The following LSM14B variants were observed in gnomAD, a reference collection of about 807,000 sequenced individuals.
The protein encoded by LSM14B is LSM family member 14B, also known as protein LSM14 homolog B.
In LSM14B, 8 loss-of-function variants were observed where a neutral mutation model predicts 42.1. That is an observed-to-expected ratio of 0.19 (90% CI 0.11 to 0.34). The LOEUF is 0.34. Among genes scored for constraint, LSM14B ranks in the 10% least tolerant of loss-of-function variants. The probability of loss-of-function intolerance (pLI) is 1.00; values close to 1 mark genes in which losing one functional copy is unlikely to be tolerated. For missense variants in LSM14B, 396 were observed against 513.1 expected (o/e 0.77, Z 2.21); for synonymous variants, 219 against 209.7 (o/e 1.04, Z -0.38).
chr20:62,125,069 C>T (rs1333651458), intron 2 of LSM14B, among the ~76,000 whole-genome samples: 4 of 152,140 alleles, frequency 2.6e-5, no homozygotes, highest in African/African-American at 4.8e-5. Flanking sequence ...TTAGTAGAGA[C>T]GGGGTTTCAC....
chr20:62,129,109 G>A (rs907842757), intron 3 of LSM14B: 24 of 849,030 alleles, frequency 2.8e-5, no homozygotes, highest in African/African-American at 7.1e-5. Context: ...CGTGGGCCTC[G>A]GACTGCAGTT....
At chr20:62,125,560 T>A (rs1263929660) in intron 2 of LSM14B, among the ~76,000 whole-genome samples, 3 of 152,270 alleles carry the variant, frequency 2.0e-5, no homozygotes, top group African/African-American at 4.8e-5. Flanking sequence ...GCCATGTGCC[T>A]GCTTATTGGG....
chr20:62,130,321 C>G lies in LSM14B; in HGVS notation c.673+25C>G, dbSNP rs770200604. On this transcript the variant is annotated intron_variant, in intron 5 of 8. Transcript: ENST00000279068. This position sits in a 1 kb window ranked among gnomAD's most constrained non-coding sequence, Gnocchi z 4.1. ...GGTAACACCTGTTGCCACTTGATTT[C>G]TGGGGACCACGAGTGATCAGGCTGA... The G allele has an allele frequency of 6.4e-7, 1 of 1,571,256 alleles. No individual in the cohort carries two copies. The highest frequency in any genetic ancestry group is 8.6e-7 in the Non-Finnish European group (1 of 1,158,106).
intron 3 of LSM14B, among the ~76,000 whole-genome samples, chr20:62,128,593 G>A (rs1220681985): frequency 6.6e-6 from 1 of 152,216 alleles, no homozygotes; most frequent in Non-Finnish European, 1.5e-5. Context: ...GAACTAGTTG[G>A]TTGTGTAAAA....
chr20:62,134,961 ACT>A lies in LSM14B; in HGVS notation c.*816_*817del, dbSNP rs2056865224. On this transcript the variant is annotated 3_prime_UTR_variant, in exon 9 of 9. Transcript: ENST00000279068. Reference sequence around the variant, plus strand: ...ACCTGGGCCGGTCAGTCATTGCTGGACTCTGGCCACACACTGGCGTTCTCATC... The same window carrying A: ...ACCTGGGCCGGTCAGTCATTGCTGGACTGGCCACACACTGGCGTTCTCATC... 6.6e-6 allele frequency: 1 copy of A among 152,070 alleles called. No homozygotes were observed. Among genetic ancestry groups the A allele is most frequent in the Non-Finnish European group, 1.5e-5 (1 of 68,048 alleles). 9.4% of individuals were successfully genotyped at this position (152,070 alleles called of 1,614,324 possible).
Position 62,130,832 on chromosome 20 carries a change from T to G in LSM14B, c.835+141T>G. ...GCTGAGGTGGGTGGATCACCTGAGGTCAGGAGTTCAACACCAGCCTGGCCA... is the reference window on the plus strand; with the variant it reads ...GCTGAGGTGGGTGGATCACCTGAGGGCAGGAGTTCAACACCAGCCTGGCCA... On this transcript the variant is annotated intron_variant, in intron 6 of 8. Coordinates refer to ENST00000279068, the MANE Select transcript of LSM14B (RefSeq NM_144703.3). The surrounding 1 kb of genome is among the most constrained non-coding windows in gnomAD (Gnocchi z 4.1). 1 of 846,406 alleles carries G rather than the reference T, an allele frequency of 1.2e-6. No homozygotes were observed. The highest frequency in any genetic ancestry group is 1.8e-6 in the Non-Finnish European group (1 of 564,410). 52.4% of individuals were successfully genotyped at this position (846,406 alleles called of 1,614,324 possible). A position where few individuals can be genotyped will look rare whatever the true frequency, so the allele number is the denominator to read the frequency against.
intron 2 of LSM14B, among the ~76,000 whole-genome samples, chr20:62,125,147 A>G (rs1190231515): frequency 1.3e-5 from 2 of 152,126 alleles, no homozygotes; most frequent in African/African-American, 2.4e-5. Context: ...CCAAAGTGCT[A>G]GGATTACAGG....
At chr20:62,125,829 G>A (rs2056579720) in intron 2 of LSM14B, among the ~76,000 whole-genome samples, 1 of 152,192 alleles carries the variant, frequency 6.6e-6, no homozygotes, top group Non-Finnish European at 1.5e-5. Flanking sequence ...GGAGGCCGAG[G>A]TGGGCAGATC....
At chr20:62,123,857 A>C (rs1486243741) in intron 1 of LSM14B, among the ~76,000 whole-genome samples, 3 of 152,106 alleles carry the variant, frequency 2.0e-5, no homozygotes, top group African/African-American at 7.2e-5. Flanking sequence ...AGGGCTATGC[A>C]CTCACTTGCA....
In LSM14B at chr20:62,128,491, CT is replaced by C. The variant is rs199749774; in HGVS notation, c.428-1285del. Among the ~76,000 whole-genome samples, 16 of 151,770 alleles carry C rather than the reference CT, an allele frequency of 1.1e-4. 1 individual carries two copies. Among genetic ancestry groups the C allele is most frequent in the South Asian group, 4.2e-4 (2 of 4,810 alleles). On this transcript the variant is annotated intron_variant, in intron 3 of 8. Coordinates refer to ENST00000279068, the MANE Select transcript of LSM14B (RefSeq NM_144703.3). ...CTGTGTATCTGAGTTACAGAGTAGT[CT>C]TTTTTTTTCCCCCACTTAAAAATGA...
Position 62,130,303 on chromosome 20 carries a change from C to A in LSM14B, c.673+7C>A, listed in dbSNP as rs1002318254. 6 of 1,584,160 alleles carry A rather than the reference C, an allele frequency of 3.8e-6. No homozygotes were observed. In the Admixed American group the frequency reaches 1.1e-4, roughly 29 times the overall value. On this transcript the variant is annotated splice_region_variant and intron_variant, in intron 5 of 8. Transcript: ENST00000279068. The surrounding 1 kb of genome is among the most constrained non-coding windows in gnomAD (Gnocchi z 4.1). ...CCTCAGAGGAGGCGATCAGGTAACACCTGTTGCCACTTGATTTCTGGGGAC... is the reference window on the plus strand; with the variant it reads ...CCTCAGAGGAGGCGATCAGGTAACAACTGTTGCCACTTGATTTCTGGGGAC...
Position 62,131,983 on chromosome 20 carries a change from C to T in LSM14B, c.986+477C>T, listed in dbSNP as rs554847036. Among the ~76,000 whole-genome samples the T allele has an allele frequency of 6.6e-5, 10 of 152,320 alleles. No individual in the cohort carries two copies. The South Asian group carries it at 8.3e-4, about 13-fold the overall frequency. On this transcript the variant is annotated intron_variant, in intron 7 of 8. Transcript: ENST00000279068. ...ACACCTAACAGCTGGTCAGAAGTCCCGCGAAGCACCCTAGGGAGTGGGTGG... is the reference window on the plus strand; with the variant it reads ...ACACCTAACAGCTGGTCAGAAGTCCTGCGAAGCACCCTAGGGAGTGGGTGG...
At chr20:62,133,634 G>A (rs1411249209) in intron 8 of LSM14B, among the ~76,000 whole-genome samples, 159 bp downstream of exon 8, 8 of 152,314 alleles carry the variant, frequency 5.3e-5, no homozygotes, top group South Asian at 2.1e-4. Flanking sequence ...TGAGTCACCC[G>A]GGAGGCTCTT....
Position 62,130,033 on chromosome 20 carries a change from T to A in LSM14B, c.595+81T>A, listed in dbSNP as rs899834413. ...ACTTCCTGGGCTATTTTTTTTTTTT[T>A]AATTAAAAAAATACTACTCCCCCAT... On this transcript the variant is annotated intron_variant, in intron 4 of 8. Coordinates refer to ENST00000279068, the MANE Select transcript of LSM14B (RefSeq NM_144703.3). The surrounding 1 kb of genome is among the most constrained non-coding windows in gnomAD (Gnocchi z 4.1). 4.8e-5 allele frequency: 66 copies of A among 1,374,504 alleles called. No individual in the cohort carries two copies. The highest frequency in any genetic ancestry group is 8.1e-5 in the Admixed American group (3 of 37,190). The allele number at this position is 1,374,504 out of a possible 1,614,324, so 85.1% of individuals were successfully genotyped here.
Position 62,126,341 on chromosome 20 carries a change from C to T in LSM14B, c.329C>T (p.Pro110Leu), listed in dbSNP as rs1413115921. 4 of 1,613,662 alleles carry T rather than the reference C, an allele frequency of 2.5e-6. No individual in the cohort carries two copies. The highest frequency in any genetic ancestry group is 3.4e-6 in the Non-Finnish European group (4 of 1,179,910). ...LGSASASPFQ[P>L]HVPYSPFRGM... is the part of the protein sequence containing the mutation. ...TCTGCCTCCGCCTCGCCCTTCCAGCCGCACGTGCCTTACAGCCCTTTCCGA... is the reference window on the plus strand; with the variant it reads ...TCTGCCTCCGCCTCGCCCTTCCAGCTGCACGTGCCTTACAGCCCTTTCCGA... Residue 110 changes from proline to leucine, a missense_variant, in exon 3 of 9, where the codon CCG (proline) becomes CTG (leucine). By Grantham distance (98) the Pro-to-Leu change is moderately conservative. Coordinates refer to ENST00000279068, the MANE Select transcript of LSM14B (RefSeq NM_144703.3).
chr20:62,130,108 C>G lies in LSM14B; in HGVS notation c.596-111C>G. 1.4e-6 allele frequency: 2 copies of G among 1,459,174 alleles called. No individual in the cohort carries two copies. Among genetic ancestry groups the G allele is most frequent in the Non-Finnish European group, 1.9e-6 (2 of 1,073,658 alleles). The allele number at this position is 1,459,174 out of a possible 1,614,324, so 90.4% of individuals were successfully genotyped here. ...GGCAGGCCTGTGCAGCAGCCTCCTG[C>G]GGTGCCGCCCTGGCCGCGTGCCCCA... is the stretch of plus-strand genomic sequence containing the variant. On this transcript the variant is annotated intron_variant, in intron 4 of 8. Transcript: ENST00000279068. The surrounding 1 kb of genome is among the most constrained non-coding windows in gnomAD (Gnocchi z 4.1).
chr20:62,131,652 C>T (rs1249827288), intron 7 of LSM14B, 146 bp downstream of exon 7: 16 of 1,059,012 alleles, frequency 1.5e-5, no homozygotes, highest in African/African-American at 8.0e-5. Flanking sequence ...TGATGGGTGC[C>T]GGAGTCCCAG....
rs376588093 is a variant in LSM14B at position 62,130,013 on chromosome 20, C to T, written c.595+61C>T. On this transcript the variant is annotated intron_variant, in intron 4 of 8. Transcript: ENST00000279068. This position sits in a 1 kb window ranked among gnomAD's most constrained non-coding sequence, Gnocchi z 4.1. ...TGTTCTAAAAGTGGCACACTACTTC[C>T]TGGGCTATTTTTTTTTTTTTAATTA... 4.8e-5 allele frequency: 71 copies of T among 1,492,944 alleles called. No homozygotes were observed. In the African/African-American group the frequency reaches 6.7e-4, roughly 14 times the overall value. 92.5% of individuals were successfully genotyped at this position (1,492,944 alleles called of 1,614,324 possible). A position where few individuals can be genotyped will look rare whatever the true frequency, so the allele number is the denominator to read the frequency against.
In LSM14B at chr20:62,128,118, G is replaced by T. The variant is rs563325374; in HGVS notation, c.428-1667G>T. On this transcript the variant is annotated intron_variant, in intron 3 of 8. Transcript: ENST00000279068. The stretch of plus-strand genomic sequence containing the variant: ...TGGTTCATAGATCACTCATTGAGGG[G>T]ATTCAAAATTAGGGGCTTGGGTGAC... 1.7e-5 allele frequency: 7 copies of T among 417,080 alleles called. No individual in the cohort carries two copies. The East Asian group carries it at 3.4e-4, about 20-fold the overall frequency. 25.8% of individuals were successfully genotyped at this position (417,080 alleles called of 1,614,324 possible). A position where few individuals can be genotyped will look rare whatever the true frequency, so the allele number is the denominator to read the frequency against.
Sources: gnomAD v4.1 joint callset for allele counts (sites outside exome capture counted in the v4.1 genomes callset) on GRCh38, gnomAD v4.1.1 for gene constraint, Gnocchi (gnomAD v3.1) non-coding constraint, MANE v1.5 for transcripts, NCBI Gene and HGNC (gene_info 2026-07-23, HGNC 2026-07-21) for gene names.